SRGAP3: variants seen among roughly 807,000 people sequenced by gnomAD.
SRGAP3 encodes SLIT-ROBO Rho GTPase activating protein 3.
A neutral mutation model predicts 121.1 loss-of-function variants in SRGAP3; 39 were observed. The observed-to-expected ratio is 0.32, with a 90% CI of 0.25 to 0.42. SRGAP3 has a LOEUF of 0.42. SRGAP3 is among the 10% of genes least tolerant of loss of function. SRGAP3 has a pLI of 1.00. For missense variants in SRGAP3, 1,213 were observed against 1,470.6 expected, an observed-to-expected ratio of 0.82 and a Z score of 2.86; for synonymous variants, 601 against 570.0, an observed-to-expected ratio of 1.05 and a Z score of -0.77.
At chr3:9,288,451 C>T (rs1954817621) in intron 3 of SRGAP3, among the ~76,000 whole-genome samples, 1 of 151,482 alleles carries the variant, frequency 6.6e-6, no homozygotes, top group African/African-American at 2.4e-5. Flanking sequence ...TTCATTCTAT[C>T]TTCCAGAGCT....
intron 10 of SRGAP3, among the ~76,000 whole-genome samples, chr3:9,045,225 C>G (rs1233560938): frequency 6.6e-6 from 1 of 150,722 alleles, no homozygotes; most frequent in East Asian, 2.0e-4. Flanking sequence ...GTAGAACTGA[C>G]CAGTCTATCA....
chr3:9,203,131 G>A (rs1404870479), intron 1 of SRGAP3, among the ~76,000 whole-genome samples: 5 of 152,116 alleles, frequency 3.3e-5, no homozygotes, highest in Admixed American at 6.5e-5. Flanking sequence ...TCTGTTTCTC[G>A]GGAATCGGGT....
At chr3:9,295,984 A>C (rs538579245) in intron 3 of SRGAP3, among the ~76,000 whole-genome samples, 1 of 152,180 alleles carries the variant, frequency 6.6e-6, no homozygotes, top group Non-Finnish European at 1.5e-5. Flanking sequence ...CTTCCTTTTG[A>C]GGCTGAATAA....
chr3:9,352,724 G>A (rs2030258800), intron 1 of SRGAP3, among the ~76,000 whole-genome samples: 1 of 152,210 alleles, frequency 6.6e-6, no homozygotes. Context: ...CCACCTTGGT[G>A]TGCGTTTGAA....
chr3:9,022,308 C>CA (rs1215349375), intron 14 of SRGAP3, among the ~76,000 whole-genome samples: 68 of 152,156 alleles, frequency 4.5e-4, no homozygotes, highest in African/African-American at 1.6e-3. Flanking sequence ...AGCCTGGTGA[C>CA]AGAGCGAGAC....
At chr3:9,143,117 G>C (rs1949916185) in intron 1 of SRGAP3, among the ~76,000 whole-genome samples, 3 of 152,108 alleles carry the variant, frequency 2.0e-5, no homozygotes, top group African/African-American at 7.2e-5. Flanking sequence ...TGGGATTACA[G>C]TCATGAGCCA....
At chr3:9,089,464 C>T (rs1947651319) in intron 3 of SRGAP3, among the ~76,000 whole-genome samples, 1 of 151,420 alleles carries the variant, frequency 6.6e-6, no homozygotes, top group South Asian at 2.1e-4. Flanking sequence ...AAGATGCAGA[C>T]ACACAGTGAA....
intron 3 of SRGAP3, among the ~76,000 whole-genome samples, chr3:9,091,925 C>T (rs930595332): frequency 3.9e-5 from 6 of 152,242 alleles, no homozygotes; most frequent in Middle Eastern, 6.8e-3. Flanking sequence ...ATGTTGTCAT[C>T]TACTCATTTT....
At position 9,126,094 on chromosome 3, in the gene SRGAP3, C is replaced by A. The variant is rs1187918761; in HGVS notation, c.68-1177G>T. On this transcript the variant is annotated intron_variant, in intron 1 of 21. Transcript: ENST00000383836. ...TACTCTGGGGTACACAAAGACACCC[C>A]ACAGGGTATGCAAGCTGAGGTAGAA... Among the ~76,000 whole-genome samples the A allele has an allele frequency of 2.6e-5, 4 of 152,282 alleles. No homozygotes were observed. The South Asian group carries it at 8.3e-4, about 32-fold the overall frequency.
chr3:9,235,108 AGTG>A (rs1257183147), intron 1 of SRGAP3, among the ~76,000 whole-genome samples: 1 of 152,150 alleles, frequency 6.6e-6, no homozygotes, highest in African/African-American at 2.4e-5. Context: ...GCCACAAGAG[AGTG>A]GTGTCCCCTC....
At chr3:9,136,350 G>A (rs1348373445) in intron 1 of SRGAP3, among the ~76,000 whole-genome samples, 1 of 151,598 alleles carries the variant, frequency 6.6e-6, no homozygotes, top group Non-Finnish European at 1.5e-5. Context: ...ATGCCGGGCC[G>A]GGGTCAGCCG....
intron 14 of SRGAP3, among the ~76,000 whole-genome samples, chr3:9,017,373 G>C (rs1943690954): frequency 1.3e-5 from 2 of 151,970 alleles, no homozygotes; most frequent in Admixed American, 6.6e-5. Flanking sequence ...ACATTCATCT[G>C]CTTTATCCTA....
chr3:8,990,932 C>A, intron 20 of SRGAP3, 93 bp from the exon 21 acceptor site: 1 of 1,146,710 alleles, frequency 8.7e-7, no homozygotes, highest in Non-Finnish European at 1.2e-6. Flanking sequence ...ACACACTACA[C>A]GCTAGTCTAA....
chr3:9,017,960 A>G (rs1451058473), intron 14 of SRGAP3, among the ~76,000 whole-genome samples: 1 of 152,158 alleles, frequency 6.6e-6, no homozygotes, highest in African/African-American at 2.4e-5. Flanking sequence ...TATTTCTTCT[A>G]TCTAATTCTA....
chr3:8,984,018 T>C lies in SRGAP3; in HGVS notation c.*1501A>G, dbSNP rs1475843287. On this transcript the variant is annotated 3_prime_UTR_variant, in exon 22 of 22. Coordinates refer to ENST00000383836, the MANE Select transcript of SRGAP3 (RefSeq NM_014850.4). ...CCGTGTGCCATTATCCAGAAACAGC[T>C]CATCTCTGGAAGTGATCAGAAGAGG... 4.3e-6 allele frequency: 1 copy of C among 231,334 alleles called. No homozygotes were observed. Among genetic ancestry groups the C allele is most frequent in the Non-Finnish European group, 8.5e-6 (1 of 116,976 alleles). The allele number at this position is 231,334 out of a possible 1,614,324, so 14.3% of individuals were successfully genotyped here.
intron 3 of SRGAP3, among the ~76,000 whole-genome samples, chr3:9,091,953 A>G (rs888769306): frequency 2.6e-5 from 4 of 152,128 alleles, no homozygotes; most frequent in Non-Finnish European, 5.9e-5. Flanking sequence ...TGCAGATTCG[A>G]GTCCTTAGGT....
At position 8,990,509 on chromosome 3, in the gene SRGAP3, T is replaced by C; in HGVS notation, c.2886+3A>G. 2 of 1,553,256 alleles carry C rather than the reference T, an allele frequency of 1.3e-6. No individual in the cohort carries two copies. The highest frequency in any genetic ancestry group is 1.7e-6 in the Non-Finnish European group (2 of 1,148,502). ...CCCAGCCTGCCTTCCCGCTGGCCCT[T>C]ACTTCTGCCAGGGCCTCGGCCTCCA... On this transcript the variant is annotated splice_donor_region_variant and intron_variant, in intron 21 of 21. Coordinates refer to ENST00000383836, the MANE Select transcript of SRGAP3 (RefSeq NM_014850.4).
chr3:9,199,659 A>G (rs1952014496), intron 1 of SRGAP3, among the ~76,000 whole-genome samples: 1 of 152,178 alleles, frequency 6.6e-6, no homozygotes, highest in Non-Finnish European at 1.5e-5. Context: ...AGAGCATGGG[A>G]TTTAAAGAAC....
chr3:9,229,324 A>C (rs887167059), intron 1 of SRGAP3, among the ~76,000 whole-genome samples: 1 of 152,156 alleles, frequency 6.6e-6, no homozygotes, highest in African/African-American at 2.4e-5. Context: ...GGAGAGAAGC[A>C]GGAGCAGTCG....
Sources: gnomAD v4.1 joint callset for allele counts (sites outside exome capture counted in the v4.1 genomes callset) on GRCh38, gnomAD v4.1.1 for gene constraint, MANE v1.5 for transcripts, NCBI Gene and HGNC (gene_info 2026-07-23, HGNC 2026-07-21) for gene names.